The following SAXO3 variants were observed in gnomAD, a reference collection of about 807,000 sequenced individuals.
SAXO3 encodes the protein CTB-60B18.10.
At chr19:49,018,724 G>C in the SAXO3 span, 1 of 690,786 alleles carries the variant, frequency 1.4e-6, no homozygotes, top group South Asian at 1.9e-5. Flanking sequence ...AAAAGGGAGG[G>C]GCTGAGGCCT....
the SAXO3 span, chr19:49,019,624 G>A: frequency 1.7e-4 from 211 of 1,250,840 alleles, 1 homozygote; most frequent in African/African-American, 1.5e-3. Flanking sequence ...CCGTCTCGCC[G>A]GCGCCGGCTT....
the SAXO3 span, chr19:49,019,863 T>G: frequency 7.6e-7 from 1 of 1,307,934 alleles, no homozygotes; most frequent in Non-Finnish European, 1.0e-6. Context: ...TCAAATGCAG[T>G]CCCCCGCCCT....
At chr19:49,019,840 A>G in the SAXO3 span, 1 of 1,265,864 alleles carries the variant, frequency 7.9e-7, no homozygotes, top group Admixed American at 3.0e-5. Flanking sequence ...ACTCACGTGA[A>G]GGAGCAGGGG....
chr19:49,019,598 C>A, the SAXO3 span: 1 of 1,254,498 alleles, frequency 8.0e-7, no homozygotes, highest in Non-Finnish European at 1.0e-6. Flanking sequence ...CCGCCCCAGG[C>A]TCCCGGAGCT....
At chr19:49,020,375 C>T in the SAXO3 span, 121 of 404,070 alleles carry the variant, frequency 3.0e-4, 1 homozygote, top group African/African-American at 2.3e-3. Context: ...GTCCGCTCAC[C>T]TGCACCGTGG....
At chr19:49,018,627 G>A in the SAXO3 span, among the ~76,000 whole-genome samples, 25 of 152,114 alleles carry the variant, frequency 1.6e-4, no homozygotes, top group Middle Eastern at 3.4e-3. Flanking sequence ...CCTCAGATCC[G>A]GAATCCCCTC....
At chr19:49,018,959 C>T in the SAXO3 span, 6 of 1,534,124 alleles carry the variant, frequency 3.9e-6, no homozygotes, top group Middle Eastern at 2.1e-4. Flanking sequence ...CTGTGAAAGG[C>T]CGGCCAGACA....
At chr19:49,018,897 G>T in the SAXO3 span, 3 of 1,534,432 alleles carry the variant, frequency 2.0e-6, no homozygotes, top group Admixed American at 5.9e-5. Context: ...AAAGTCCCGC[G>T]CCGAGGTGGT....
At chr19:49,019,296 C>CTG in the SAXO3 span, 5 of 1,210,712 alleles carry the variant, frequency 4.1e-6, no homozygotes, top group South Asian at 2.3e-5. Flanking sequence ...CCTGGTTCCG[C>CTG]TCTGTCTTAA....
At chr19:49,018,328 G>A in the SAXO3 span, 14 of 1,217,438 alleles carry the variant, frequency 1.1e-5, no homozygotes, top group Non-Finnish European at 1.3e-5. Flanking sequence ...GGGGGTATCC[G>A]GACAGCTCCG....
chr19:49,020,122 C>T, the SAXO3 span: 2 of 904,330 alleles, frequency 2.2e-6, no homozygotes, highest in Non-Finnish European at 3.1e-6. Context: ...GGAGAGAAGG[C>T]GCCGCACATC....
At chr19:49,018,026 G>C in the SAXO3 span, 8 of 398,480 alleles carry the variant, frequency 2.0e-5, no homozygotes, top group South Asian at 1.3e-4. Context: ...GTAGGCTTTC[G>C]GCACGCTGTA....
At chr19:49,019,363 A>C in the SAXO3 span, 1 of 1,224,762 alleles carries the variant, frequency 8.2e-7, no homozygotes. Flanking sequence ...ACTCCAAGTT[A>C]CCTCTCCCAA....
chr19:49,018,855 A>G, the SAXO3 span: 1 of 1,526,088 alleles, frequency 6.6e-7, no homozygotes, highest in East Asian at 2.4e-5. Flanking sequence ...GGCGGTGCCG[A>G]GCGAGAGCCC....
chr19:49,020,396 G>C, the SAXO3 span: 164 of 401,590 alleles, frequency 4.1e-4, no homozygotes, highest in African/African-American at 2.9e-3. Context: ...GCGGGGTGAA[G>C]GGTATGGGTG....
the SAXO3 span, chr19:49,019,385 C>T: frequency 6.4e-6 from 8 of 1,251,482 alleles, no homozygotes; most frequent in Middle Eastern, 3.0e-4. Flanking sequence ...TCCCACCTGA[C>T]CCCGTCTCAG....
chr19:49,018,973 C>CGG, the SAXO3 span: 4 of 1,533,664 alleles, frequency 2.6e-6, no homozygotes, highest in Non-Finnish European at 3.5e-6. Flanking sequence ...CCAGACAGCT[C>CGG]GGGGTTCTTC....
the SAXO3 span, chr19:49,018,227 C>T: frequency 1.5e-6 from 1 of 678,260 alleles, no homozygotes. Flanking sequence ...TCGGGGCGGC[C>T]GGGAGGAGCG....
chr19:49,020,308 G>T, the SAXO3 span: 2 of 428,640 alleles, frequency 4.7e-6, no homozygotes, highest in Non-Finnish European at 8.2e-6. Flanking sequence ...CTCCCAATCC[G>T]CTTTATTTAG....
Sources: allele counts gnomAD v4.1 joint callset (sites outside exome capture counted in the v4.1 genomes callset), GRCh38; gene constraint gnomAD v4.1.1; transcripts MANE v1.5; gene names NCBI Gene and HGNC (gene_info 2026-07-23, HGNC 2026-07-21).